The following RASAL2 variants were observed in gnomAD, a reference collection of about 807,000 sequenced individuals.
RASAL2 encodes RAS protein activator like 2.
Under a neutral mutation model 128.9 loss-of-function variants are expected in RASAL2, and 58 were observed. The observed-to-expected ratio is 0.45, with a 90% CI of 0.36 to 0.56. RASAL2 has a LOEUF of 0.56. Ranked by LOEUF, RASAL2 falls within the 20% of genes least tolerant of loss-of-function variation. RASAL2 has a pLI of 0.00. For missense variants in RASAL2, 1,360 were observed against 1,601.6 expected (o/e 0.85, Z 2.57); for synonymous variants, 561 against 580.8 (o/e 0.97, Z 0.49).
chr1:178,094,780 C>T, intron 1 of RASAL2, 86 bp downstream of exon 1: 1 of 1,495,608 alleles, frequency 6.7e-7, no homozygotes, highest in South Asian at 1.2e-5. Context: ...GGCTCATTCC[C>T]AGTCCTCATC....
chr1:178,285,412 G>C (rs1401893728), intron 2 of RASAL2, among the ~76,000 whole-genome samples: 1 of 152,020 alleles, frequency 6.6e-6, no homozygotes, highest in Non-Finnish European at 1.5e-5. Flanking sequence ...GAGCCACCGC[G>C]CCCGGCCGGC....
chr1:178,445,140 T>TG (rs995044052), intron 8 of RASAL2, among the ~76,000 whole-genome samples: 1 of 143,764 alleles, frequency 7.0e-6, no homozygotes, highest in African/African-American at 2.8e-5. Context: ...GAACAGTATT[T>TG]GGAAAAAAAA....
chr1:178,339,109 T>C (rs1157885295), intron 3 of RASAL2, among the ~76,000 whole-genome samples: 1 of 152,194 alleles, frequency 6.6e-6, no homozygotes. Context: ...AGCATATCTA[T>C]TTTCTGATGC....
chr1:178,181,886 A>C (rs1210175217), intron 1 of RASAL2, among the ~76,000 whole-genome samples: 1 of 152,164 alleles, frequency 6.6e-6, no homozygotes, highest in African/African-American at 2.4e-5. Flanking sequence ...ACACACTATC[A>C]ACATGACTTA....
chr1:178,416,588 C>T (rs1485670361), intron 4 of RASAL2, among the ~76,000 whole-genome samples: 1 of 151,908 alleles, frequency 6.6e-6, no homozygotes, highest in Non-Finnish European at 1.5e-5. Flanking sequence ...AATTTGTGAC[C>T]TATATTGTTT....
At position 178,457,995 on chromosome 1, in the gene RASAL2, C is replaced by T; in HGVS notation, c.2703C>T (p.Pro901=). The part of the protein sequence containing the change: ...RETQSTPQSA[P]QVRRPLHPAL... ...CCCAGAGCACTCCCCAAAGTGCACC[C>T]CAAGTGAGAAGGCCCCTGCACCCAG... The change falls in exon 14 of 18, where the codon CCC becomes CCT. Residue 901 remains proline (P), a synonymous_variant. Transcript: ENST00000367649. The T allele has an allele frequency of 6.2e-7, 1 of 1,614,138 alleles. No homozygotes were observed. Among genetic ancestry groups the T allele is most frequent in the Non-Finnish European group, 8.5e-7 (1 of 1,180,034 alleles).
At chr1:178,177,776 C>G (rs1661945322) in intron 1 of RASAL2, among the ~76,000 whole-genome samples, 1 of 152,156 alleles carries the variant, frequency 6.6e-6, no homozygotes, top group Non-Finnish European at 1.5e-5. Context: ...TCCAGAGAGG[C>G]AGGCAAGGGG....
At position 178,276,839 on chromosome 1, in the gene RASAL2, A is replaced by G. The variant is rs185263057; in HGVS notation, c.203-6725A>G. On this transcript the variant is annotated intron_variant, in intron 1 of 17. Coordinates refer to ENST00000367649, the MANE Select transcript of RASAL2 (RefSeq NM_170692.4). ...ATTTTATTGTTTATTAAAAAAATAA[A>G]GAACTGCCTTTTAAAAAATAGCTTG... 2.6e-5 allele frequency among the ~76,000 whole-genome samples: 4 copies of G among 152,266 alleles called. No homozygotes were observed. The East Asian group carries it at 7.7e-4, about 29-fold the overall frequency.
At chr1:178,246,891 C>G (rs186443317) in intron 1 of RASAL2, among the ~76,000 whole-genome samples, 4 of 152,152 alleles carry the variant, frequency 2.6e-5, no homozygotes, top group African/African-American at 9.7e-5. Flanking sequence ...ATATGTTGAA[C>G]CAGCCTCTCA....
At chr1:178,113,392 A>T (rs948404294) in intron 1 of RASAL2, among the ~76,000 whole-genome samples, 32 of 151,368 alleles carry the variant, frequency 2.1e-4, no homozygotes, top group African/African-American at 5.8e-4. Context: ...GTAGCTTTGA[A>T]CTCCTGGGCT....
rs141356032 is a variant in RASAL2 at position 178,377,462 on chromosome 1, G to A, written c.458-12638G>A. Among the ~76,000 whole-genome samples, 391 of 152,218 alleles carry A rather than the reference G, an allele frequency of 2.6e-3. 4 individuals are homozygous for A. The highest frequency in any genetic ancestry group is 0.013 in the Admixed American group (206 of 15,280). Reference sequence around the variant, plus strand: ...AAATCTAGACAGTAAACTCTCCTGGGGGCATTTACCAATTTTAGAATATTA... The same window carrying A: ...AAATCTAGACAGTAAACTCTCCTGGAGGCATTTACCAATTTTAGAATATTA... On this transcript the variant is annotated intron_variant, in intron 3 of 17. Transcript: ENST00000367649.
intron 3 of RASAL2, among the ~76,000 whole-genome samples, chr1:178,326,299 A>G (rs2102351814): frequency 6.6e-6 from 1 of 152,316 alleles, no homozygotes; most frequent in East Asian, 1.9e-4. Flanking sequence ...GAATAAGAGA[A>G]TAGGTTCAAA....
In RASAL2 at chr1:178,373,812, C is replaced by A. The variant is rs184554111; in HGVS notation, c.458-16288C>A. Among the ~76,000 whole-genome samples, 58 of 152,052 alleles carry A rather than the reference C, an allele frequency of 3.8e-4. No homozygotes were observed. The East Asian group carries it at 0.011, about 28-fold the overall frequency. On this transcript the variant is annotated intron_variant, in intron 3 of 17. Transcript: ENST00000367649. ...CTCTGATTAAGGGAGTTAGTAAATT[C>A]CTATTTATCCACAGATGGATAAATG...
chr1:178,140,125 C>T (rs1660474048), intron 1 of RASAL2, among the ~76,000 whole-genome samples: 1 of 152,064 alleles, frequency 6.6e-6, no homozygotes, highest in Admixed American at 6.5e-5. Context: ...AAGACTAGAG[C>T]AGTGTTTCTC....
intron 3 of RASAL2, among the ~76,000 whole-genome samples, chr1:178,334,434 G>A (rs1421106061): frequency 1.3e-5 from 2 of 151,828 alleles, no homozygotes; most frequent in Non-Finnish European, 2.9e-5. Context: ...CACCTCCTGG[G>A]TTCAAGCCAT....
intron 2 of RASAL2, among the ~76,000 whole-genome samples, chr1:178,298,820 C>T (rs1667630279): frequency 1.3e-5 from 2 of 151,930 alleles, no homozygotes; most frequent in South Asian, 4.2e-4. Flanking sequence ...TTAATTATGA[C>T]ATACTCTGCC....
In RASAL2 at chr1:178,278,602, G is replaced by T. The variant is rs767648573; in HGVS notation, c.203-4962G>T. Reference sequence around the variant, plus strand: ...AACTCAGATGAACTTCTAAGGAGCCGTAAGATACAAAAATAAAATTTCTCA... The same window carrying T: ...AACTCAGATGAACTTCTAAGGAGCCTTAAGATACAAAAATAAAATTTCTCA... On this transcript the variant is annotated intron_variant, in intron 1 of 17. Transcript: ENST00000367649. Among the ~76,000 whole-genome samples, 4 of 151,988 alleles carry T rather than the reference G, an allele frequency of 2.6e-5. No homozygotes were observed. In the South Asian group the frequency reaches 8.3e-4, roughly 31 times the overall value.
intron 1 of RASAL2, among the ~76,000 whole-genome samples, chr1:178,184,741 C>T (rs575623602): frequency 1.3e-5 from 2 of 152,160 alleles, no homozygotes; most frequent in South Asian, 2.1e-4. Context: ...GTCTTAAGAT[C>T]TGCTACAGTG....
At chr1:178,452,951 T>TG (rs1481486363) in intron 11 of RASAL2, among the ~76,000 whole-genome samples, 6 of 151,838 alleles carry the variant, frequency 4.0e-5, no homozygotes, top group Non-Finnish European at 5.9e-5. Flanking sequence ...AATACTTTAG[T>TG]GGGAAAAAAA....
Sources: allele counts gnomAD v4.1 joint callset (sites outside exome capture counted in the v4.1 genomes callset), GRCh38; gene constraint gnomAD v4.1.1; transcripts MANE v1.5; gene names NCBI Gene and HGNC (gene_info 2026-07-23, HGNC 2026-07-21).